SLC13A3: variants seen among roughly 807,000 people sequenced by gnomAD.
The protein encoded by SLC13A3 is solute carrier family 13 member 3, also known as Na(+)/dicarboxylate cotransporter 3.
A neutral mutation model predicts 59.0 loss-of-function variants in SLC13A3; 40 were observed. The observed-to-expected ratio is 0.68, with a 90% CI of 0.53 to 0.88. The LOEUF (loss-of-function observed/expected upper bound fraction) is 0.88, where lower values mean the gene tolerates loss of function less well. SLC13A3 is among the 40% of genes least tolerant of loss of function. SLC13A3 has a pLI of 0.00. For missense variants in SLC13A3, 699 were observed against 783.2 expected, an observed-to-expected ratio of 0.89 and a Z score of 1.28; for synonymous variants, 317 against 330.3, an observed-to-expected ratio of 0.96 and a Z score of 0.44.
intron 3 of SLC13A3, among the ~76,000 whole-genome samples, chr20:46,600,322 G>A (rs201840458): frequency 1.8e-5 from 2 of 112,848 alleles, no homozygotes; most frequent in East Asian, 3.1e-4. Flanking sequence ...AGGGAAGGAA[G>A]GAAAGGAAGG....
intron 1 of SLC13A3, among the ~76,000 whole-genome samples, chr20:46,666,396 TTTTTA>T (rs796434139): frequency 3.3e-5 from 5 of 152,320 alleles, no homozygotes; most frequent in African/African-American, 1.2e-4. Context: ...TATTGTTTTA[TTTTTA>T]TTTTATTTAT....
intron 1 of SLC13A3, among the ~76,000 whole-genome samples, chr20:46,675,365 G>A (rs1342200226): frequency 6.6e-6 from 1 of 151,128 alleles, no homozygotes; most frequent in East Asian, 1.9e-4. Flanking sequence ...AAGTAGCTGG[G>A]ACTACAGGCG....
intron 1 of SLC13A3, among the ~76,000 whole-genome samples, chr20:46,668,813 T>C (rs1224946083): frequency 1.3e-5 from 2 of 152,232 alleles, no homozygotes; most frequent in African/African-American, 4.8e-5. Context: ...AGAATTATGC[T>C]AAATCTAAGC....
chr20:46,560,023 CAG>C lies in SLC13A3; in HGVS notation c.1806_1807del (p.Ter603SerfsTer8). ...CTCAAGGGAGTCCTCCAGGGGGACTCAGAGGGTCCGAAATGTGTCATTGGCCA... is the reference window on the plus strand; with the variant it reads ...CTCAAGGGAGTCCTCCAGGGGGACTCAGGGTCCGAAATGTGTCATTGGCCA... On this transcript the variant is annotated frameshift_variant and stop_lost, in exon 13 of 13. Transcript: ENST00000279027. LOFTEE classifies it high-confidence loss of function. 1 of 1,613,840 alleles carries C rather than the reference CAG, an allele frequency of 6.2e-7. No homozygotes were observed. The highest frequency in any genetic ancestry group is 1.1e-5 in the South Asian group (1 of 91,052).
At chr20:46,574,087 T>A (rs192089671) in intron 10 of SLC13A3, among the ~76,000 whole-genome samples, 3 of 152,284 alleles carry the variant, frequency 2.0e-5, no homozygotes, top group Non-Finnish European at 4.4e-5. Flanking sequence ...TTTAGCCTCC[T>A]TTTGCCTCCG....
chr20:46,666,515 T>TTGC (rs1555884546), intron 1 of SLC13A3, among the ~76,000 whole-genome samples: 3 of 146,584 alleles, frequency 2.0e-5, no homozygotes, highest in African/African-American at 7.5e-5. Context: ...GTTGTTGTTG[T>TTGC]TGCTTTGAGA....
intron 1 of SLC13A3, among the ~76,000 whole-genome samples, chr20:46,663,603 G>C (rs77415367): frequency 2.0e-5 from 3 of 152,136 alleles, no homozygotes; most frequent in African/African-American, 7.2e-5. Flanking sequence ...CTCACTACGT[G>C]TTTACTCCAG....
intron 1 of SLC13A3, among the ~76,000 whole-genome samples, chr20:46,645,828 T>C (rs1037279648): frequency 6.6e-6 from 1 of 152,192 alleles, no homozygotes; most frequent in African/African-American, 2.4e-5. Flanking sequence ...ATGATCCTGG[T>C]TTTCCATACA....
chr20:46,628,023 G>T (rs1215873251), intron 1 of SLC13A3, among the ~76,000 whole-genome samples: 3 of 152,144 alleles, frequency 2.0e-5, no homozygotes, highest in African/African-American at 4.8e-5. Context: ...CCCAACAGCA[G>T]CTCTGGTCAA....
At chr20:46,587,037 TA>T (rs2062200032) in intron 8 of SLC13A3, among the ~76,000 whole-genome samples, 1 of 152,216 alleles carries the variant, frequency 6.6e-6, no homozygotes, top group African/African-American at 2.4e-5. Flanking sequence ...CGCAGCCATT[TA>T]AAAAATGTAA....
intron 9 of SLC13A3, chr20:46,582,511 G>A (rs1013903805): frequency 2.4e-5 from 9 of 382,178 alleles, no homozygotes; most frequent in Admixed American, 1.9e-4. Flanking sequence ...TCTGAGGTGG[G>A]AGGTTCACTG....
chr20:46,584,281 C>G, intron 8 of SLC13A3: 1 of 985,404 alleles, frequency 1.0e-6, no homozygotes, highest in East Asian at 1.1e-4. Flanking sequence ...CAAGGGCAGA[C>G]CCTGAGCAAG....
intron 4 of SLC13A3, among the ~76,000 whole-genome samples, chr20:46,597,284 G>A (rs1263042261): frequency 6.6e-6 from 1 of 151,736 alleles, no homozygotes; most frequent in African/African-American, 2.4e-5. Flanking sequence ...AGATCATAAT[G>A]TTGGCATTAT....
At chr20:46,569,965 A>G (rs1600498674) in intron 10 of SLC13A3, among the ~76,000 whole-genome samples, 2 of 152,328 alleles carry the variant, frequency 1.3e-5, no homozygotes, top group African/African-American at 2.4e-5. Context: ...AAAATCTTTT[A>G]AAAGGCTTTG....
intron 1 of SLC13A3, among the ~76,000 whole-genome samples, chr20:46,649,413 C>T (rs1600614257): frequency 6.6e-6 from 1 of 152,298 alleles, no homozygotes; most frequent in African/African-American, 2.4e-5. Context: ...ATGCTCCCCG[C>T]CCCTTAACCC....
chr20:46,638,429 C>T (rs1014583956), intron 1 of SLC13A3, among the ~76,000 whole-genome samples: 9 of 152,182 alleles, frequency 5.9e-5, no homozygotes, highest in African/African-American at 2.2e-4. Flanking sequence ...GAAGCGGGGC[C>T]GTGGGCGGCG....
intron 1 of SLC13A3, among the ~76,000 whole-genome samples, chr20:46,678,988 T>A (rs986034258): frequency 6.6e-6 from 1 of 152,162 alleles, no homozygotes; most frequent in Admixed American, 6.5e-5. Context: ...CATGGGACAC[T>A]GCCTGCTCCC....
intron 5 of SLC13A3, among the ~76,000 whole-genome samples, chr20:46,594,661 G>A (rs1440504712): frequency 6.6e-6 from 1 of 151,906 alleles, no homozygotes; most frequent in African/African-American, 2.4e-5. Flanking sequence ...AAAGGATAGT[G>A]ATAAAAAGAC....
rs114063564 is a variant in SLC13A3, at chr20:46,589,044, C to T, written c.1016+116G>A. 5,280 of 850,126 alleles carry T rather than the reference C, an allele frequency of 6.2e-3. 206 individuals carry two copies. The African/African-American group carries it at 0.077, about 12-fold the overall frequency. The allele number at this position is 850,126 out of a possible 1,614,324, so 52.7% of individuals were successfully genotyped here. A position where few individuals can be genotyped will look rare whatever the true frequency, so the allele number is the denominator to read the frequency against. On this transcript the variant is annotated intron_variant, in intron 7 of 12. Transcript: ENST00000279027. Reference sequence around the variant, plus strand: ...CCTCCATCTCTAGGCTCCCACGCCACGGGTCCTGGAATTCCCCTGGAGCTC... The same window carrying T: ...CCTCCATCTCTAGGCTCCCACGCCATGGGTCCTGGAATTCCCCTGGAGCTC...
Sources: gnomAD v4.1 joint callset for allele counts (sites outside exome capture counted in the v4.1 genomes callset) on GRCh38, gnomAD v4.1.1 for gene constraint, MANE v1.5 for transcripts, NCBI Gene and HGNC (gene_info 2026-07-23, HGNC 2026-07-21) for gene names.